The following CDK18 variants were observed in gnomAD, a reference collection of about 807,000 sequenced individuals.
CDK18 encodes cyclin-dependent kinase 18.
A neutral mutation model predicts 62.0 loss-of-function variants in CDK18; 52 were observed. The observed-to-expected ratio is 0.84, with a 90% CI of 0.67 to 1.06. The LOEUF is 1.06. Among genes scored for constraint, CDK18 ranks in the 50% least tolerant of loss-of-function variants. The pLI is 0.00. For synonymous variants in CDK18, 237 were observed against 247.0 expected, an observed-to-expected ratio of 0.96 and a Z score of 0.38; for missense variants, 604 against 619.9, an observed-to-expected ratio of 0.97 and a Z score of 0.27.
rs1668386467 is a variant in CDK18 at position 205,525,660 on chromosome 1, A to G, written c.457-405A>G. ...GGCACACAGACAATGCCTGGCACAT[A>G]GGAAGTGCTGTGTCACTTAGCTATT... On this transcript the variant is annotated intron_variant, in intron 5 of 15. Transcript: ENST00000429964. Among the ~76,000 whole-genome samples the G allele has an allele frequency of 1.3e-5, 2 of 152,194 alleles. 1 individual carries two copies. The highest frequency in any genetic ancestry group is 2.9e-5 in the Non-Finnish European group (2 of 68,038).
chr1:205,531,810 C>CCCAA lies in CDK18; in HGVS notation c.*433_*434insCAAC. On this transcript the variant is annotated 3_prime_UTR_variant, in exon 16 of 16. Transcript: ENST00000429964. ...AGTTTGGTAGTCCCCCTTTCTGGCC[C>CCCAA]CTTGGAGCCCACACACGTTTCATCT... The CCCAA allele has an allele frequency of 5.3e-6, 1 of 187,416 alleles. No individual in the cohort carries two copies. Among genetic ancestry groups the CCCAA allele is most frequent in the Admixed American group, 5.5e-5 (1 of 18,312 alleles). The allele number at this position is 187,416 out of a possible 1,614,324, so 11.6% of individuals were successfully genotyped here. A position where few individuals can be genotyped will look rare whatever the true frequency, so the allele number is the denominator to read the frequency against.
chr1:205,522,210 C>T (rs1158484404), intron 1 of CDK18, among the ~76,000 whole-genome samples: 1 of 152,064 alleles, frequency 6.6e-6, no homozygotes, highest in Admixed American at 6.5e-5. Context: ...ATTCAGAGGG[C>T]ACGAGGAGCT....
Position 205,526,190 on chromosome 1 carries a change from C to T in CDK18, c.571+11C>T, listed in dbSNP as rs960503920. ...CTGCCATCCGAGAGGGTACAGCATC[C>T]TAGGCTCCCACGCTCCCCTGGGGGC... On this transcript the variant is annotated intron_variant, in intron 6 of 15. Coordinates refer to ENST00000429964, the MANE Select transcript of CDK18 (RefSeq NM_212502.3). 21 of 1,608,010 alleles carry T rather than the reference C, an allele frequency of 1.3e-5. No homozygotes were observed. Among genetic ancestry groups the T allele is most frequent in the Non-Finnish European group, 1.8e-5 (21 of 1,174,948 alleles).
At chr1:205,515,683 A>G (rs1307433424) in intron 1 of CDK18, among the ~76,000 whole-genome samples, 1 of 152,178 alleles carries the variant, frequency 6.6e-6, no homozygotes, top group Non-Finnish European at 1.5e-5. Flanking sequence ...TTTGGAGAGC[A>G]AGGCTAGACA....
intron 3 of CDK18, 152 bp from the exon 4 acceptor site, chr1:205,524,080 A>T: frequency 1.1e-6 from 1 of 873,084 alleles, no homozygotes; most frequent in Non-Finnish European, 1.8e-6. Context: ...ACACACTGGG[A>T]GCAGCTGTGA....
At position 205,517,946 on chromosome 1, in the gene CDK18, C is replaced by T. The variant is rs991724219; in HGVS notation, c.-21-5201C>T. On this transcript the variant is annotated intron_variant, in intron 1 of 15. Transcript: ENST00000429964. This position sits in a 1 kb window ranked among gnomAD's most constrained non-coding sequence, Gnocchi z 4.1. Reference sequence around the variant, plus strand: ...CCCCTCGAGGCCCAACACAGCTGCTCCGCACTCCCATCCAGCATCTTCTCC... The same window carrying T: ...CCCCTCGAGGCCCAACACAGCTGCTTCGCACTCCCATCCAGCATCTTCTCC... Among the ~76,000 whole-genome samples, 2 of 152,184 alleles carry T rather than the reference C, an allele frequency of 1.3e-5. No homozygotes were observed. Among genetic ancestry groups the T allele is most frequent in the Admixed American group, 1.3e-4 (2 of 15,288 alleles).
chr1:205,521,924 A>G (rs2102300659), intron 1 of CDK18, among the ~76,000 whole-genome samples: 1 of 152,336 alleles, frequency 6.6e-6, no homozygotes, highest in East Asian at 1.9e-4. Context: ...GTGCATGGGT[A>G]ACAGCTGGGA....
chr1:205,515,172 G>A (rs898054504), intron 1 of CDK18, among the ~76,000 whole-genome samples: 7 of 100,702 alleles, frequency 7.0e-5, no homozygotes, highest in Admixed American at 6.3e-4. Context: ...AGCTTTGAAG[G>A]ATTTTTTTTT....
chr1:205,512,509 T>A (rs775303412), intron 1 of CDK18, among the ~76,000 whole-genome samples: 1 of 152,186 alleles, frequency 6.6e-6, no homozygotes, highest in Admixed American at 6.5e-5. Flanking sequence ...GTTGAACAAC[T>A]ATGAGATGTT....
intron 1 of CDK18, among the ~76,000 whole-genome samples, chr1:205,521,405 G>C: frequency 6.6e-6 from 1 of 152,186 alleles, no homozygotes; most frequent in Non-Finnish European, 1.5e-5. Context: ...GTAGAGACAG[G>C]GTTTCGCCAT....
At chr1:205,514,574 C>T (rs1297497475) in intron 1 of CDK18, among the ~76,000 whole-genome samples, 2 of 152,168 alleles carry the variant, frequency 1.3e-5, no homozygotes, top group Non-Finnish European at 2.9e-5. Flanking sequence ...TTGCACGTGG[C>T]AGTGTGTCCT....
chr1:205,525,654 G>C (rs1488135981), intron 5 of CDK18, among the ~76,000 whole-genome samples: 1 of 152,142 alleles, frequency 6.6e-6, no homozygotes, highest in Non-Finnish European at 1.5e-5. Context: ...ACAATGCCTG[G>C]CACATAGGAA....
intron 13 of CDK18, 29 bp from the exon 14 acceptor site, chr1:205,530,230 G>A: frequency 1.2e-6 from 2 of 1,608,884 alleles, no homozygotes; most frequent in East Asian, 4.5e-5. Context: ...CCCCAGCCGG[G>A]CCCAATAGCC....
chr1:205,530,835 A>C, intron 15 of CDK18, 130 bp downstream of exon 15: 1 of 738,612 alleles, frequency 1.4e-6, no homozygotes, highest in South Asian at 1.6e-5. Context: ...GGAGCAGAGA[A>C]GGGGTTGGTT....
At chr1:205,521,591 G>A (rs10900501) in intron 1 of CDK18, among the ~76,000 whole-genome samples, 33,083 of 152,126 alleles carry the variant, frequency 0.22, 3,670 homozygotes, top group South Asian at 0.27. Context: ...CTGCAGACCC[G>A]AGGCCTCCAC....
intron 13 of CDK18, chr1:205,529,860 G>T (rs1668650097): frequency 7.5e-7 from 1 of 1,337,000 alleles, no homozygotes; most frequent in South Asian, 1.5e-5. Context: ...TTTATAAGAT[G>T]GCCGTGAGGA....
intron 5 of CDK18, among the ~76,000 whole-genome samples, 193 bp downstream of exon 5, chr1:205,525,388 C>G (rs1019235503): frequency 2.0e-5 from 3 of 152,138 alleles, no homozygotes; most frequent in African/African-American, 7.2e-5. Context: ...GAGCTCAGAT[C>G]CTGAAGGAGG....
At chr1:205,511,470 CAATCTA>C (rs552087626) in intron 1 of CDK18, among the ~76,000 whole-genome samples, 98 of 152,342 alleles carry the variant, frequency 6.4e-4, no homozygotes, top group African/African-American at 2.3e-3. Context: ...TCCAGGATCT[CAATCTA>C]AAAGTACTTT....
chr1:205,529,908 G>A, intron 13 of CDK18: 5 of 1,377,034 alleles, frequency 3.6e-6, no homozygotes, highest in Non-Finnish European at 4.7e-6. Context: ...TGTGGTGCCT[G>A]TCTTGTAAGG....
Sources: gnomAD v4.1 joint callset for allele counts (sites outside exome capture counted in the v4.1 genomes callset) on GRCh38, gnomAD v4.1.1 for gene constraint, Gnocchi (gnomAD v3.1) non-coding constraint, MANE v1.5 for transcripts, NCBI Gene and HGNC (gene_info 2026-07-23, HGNC 2026-07-21) for gene names.